NUDT13: variants seen among roughly 807,000 people sequenced by gnomAD.
NUDT13 encodes nudix hydrolase 13.
A neutral mutation model predicts 41.7 loss-of-function variants in NUDT13; 40 were observed. The observed-to-expected ratio is 0.96, with a 90% CI of 0.75 to 1.25. The LOEUF (loss-of-function observed/expected upper bound fraction) is 1.25, where lower values mean the gene tolerates loss of function less well. Among genes scored for constraint, NUDT13 ranks in the 50% most tolerant of loss-of-function variants. The probability of loss-of-function intolerance (pLI) is 0.00; values close to 1 mark genes in which losing one functional copy is unlikely to be tolerated. For synonymous variants in NUDT13, 145 were observed against 155.5 expected, an observed-to-expected ratio of 0.93 and a Z score of 0.50; for missense variants, 390 against 416.1, an observed-to-expected ratio of 0.94 and a Z score of 0.55.
intron 4 of NUDT13, among the ~76,000 whole-genome samples, chr10:73,122,556 T>C (rs1842670461): frequency 6.6e-6 from 1 of 152,092 alleles, no homozygotes. Flanking sequence ...TCTGTACCAT[T>C]ATACATTTTA....
chr10:73,115,338 G>A (rs1315987233), intron 2 of NUDT13, among the ~76,000 whole-genome samples: 4 of 151,868 alleles, frequency 2.6e-5, no homozygotes, highest in Non-Finnish European at 5.9e-5. Flanking sequence ...CACCATGCCT[G>A]GCTAATTTTT....
At chr10:73,124,122 T>A (rs1842715151) in intron 4 of NUDT13, 92 bp from the exon 5 acceptor site, 1 of 856,168 alleles carries the variant, frequency 1.2e-6, no homozygotes, top group African/African-American at 1.7e-5. Flanking sequence ...GAGGCAAGTT[T>A]GGGAAACACT....
intron 4 of NUDT13, 23 bp from the exon 5 acceptor site, chr10:73,124,191 C>A (rs983554264): frequency 2.0e-6 from 3 of 1,515,462 alleles, no homozygotes; most frequent in Admixed American, 1.7e-5. Context: ...TGTTTAATTT[C>A]ATTATCTTTT....
rs761103976 is a variant in NUDT13, at chr10:73,125,105, A to G, written c.466-13A>G. 5 of 1,602,336 alleles carry G rather than the reference A, an allele frequency of 3.1e-6. No individual in the cohort carries two copies. The African/African-American group carries it at 4.1e-5, about 13-fold the overall frequency. ...CTCTCCAAATGACACCAGGCCCATC[A>G]TTGTGTTCCTAGGCTCAAGCTCTTC... On this transcript the variant is annotated splice_polypyrimidine_tract_variant and intron_variant, in intron 5 of 8. Transcript: ENST00000357321.
Position 73,126,796 on chromosome 10 carries a change from G to A in NUDT13, c.827G>A (p.Cys276Tyr). 6.2e-7 allele frequency: 1 copy of A among 1,614,124 alleles called. No homozygotes were observed. ...CCTAGTGGCTCACTCATGATTGCTTGCCATGCAACTGTGAAACCAGGGCAG... is the reference window on the plus strand; with the variant it reads ...CCTAGTGGCTCACTCATGATTGCTTACCATGCAACTGTGAAACCAGGGCAG... Reference protein sequence around the residue: ...PFPSGSLMIACHATVKPGQTE... With the variant: ...PFPSGSLMIAYHATVKPGQTE... Residue 276 changes from cysteine to tyrosine, a missense_variant, in exon 8 of 9, where the codon TGC (cysteine) becomes TAC (tyrosine). Transcript: ENST00000357321.
chr10:73,127,135 C>T (rs1410903253), intron 8 of NUDT13, among the ~76,000 whole-genome samples: 2 of 151,984 alleles, frequency 1.3e-5, no homozygotes, highest in Non-Finnish European at 2.9e-5. Flanking sequence ...AATCCCAGCA[C>T]TTTGGGAGGC....
Position 73,124,203 on chromosome 10 carries a change from T to C in NUDT13, c.359-11T>C, listed in dbSNP as rs1242025330. The C allele has an allele frequency of 6.3e-7, 1 of 1,578,490 alleles. No individual in the cohort carries two copies. The highest frequency in any genetic ancestry group is 8.7e-7 in the Non-Finnish European group (1 of 1,151,024). ...CATTGTTTAATTTCATTATCTTTTC[T>C]AATTTTCTAGCCTCCTTACACAAAC... On this transcript the variant is annotated splice_polypyrimidine_tract_variant and intron_variant, in intron 4 of 8. Coordinates refer to ENST00000357321, the MANE Select transcript of NUDT13 (RefSeq NM_015901.6).
chr10:73,126,545 T>A, intron 7 of NUDT13, 128 bp from the exon 8 acceptor site: 2 of 1,022,588 alleles, frequency 2.0e-6, no homozygotes, highest in Non-Finnish European at 2.8e-6. Context: ...TGACTCAGAG[T>A]TTTAGGACAC....
chr10:73,111,619 T>G (rs1405405375), intron 1 of NUDT13, among the ~76,000 whole-genome samples: 3 of 152,238 alleles, frequency 2.0e-5, no homozygotes, highest in Admixed American at 6.5e-5. Context: ...CTATTACCTT[T>G]CATCTCTATC....
intron 1 of NUDT13, among the ~76,000 whole-genome samples, chr10:73,111,990 C>G (rs562899085): frequency 6.6e-6 from 1 of 152,188 alleles, no homozygotes; most frequent in Non-Finnish European, 1.5e-5. Context: ...CAATATTTGT[C>G]TTCATCCCAC....
chr10:73,112,245 C>T (rs1189609997), intron 1 of NUDT13, among the ~76,000 whole-genome samples: 5 of 151,900 alleles, frequency 3.3e-5, no homozygotes, highest in South Asian at 2.1e-4. Flanking sequence ...CCCAACTACT[C>T]GAGAGGCTGA....
Position 73,124,340 on chromosome 10 carries a change from T to G in NUDT13, c.465+20T>G. 6.5e-7 allele frequency: 1 copy of G among 1,549,618 alleles called. No individual in the cohort carries two copies. Among genetic ancestry groups the G allele is most frequent in the Non-Finnish European group, 8.9e-7 (1 of 1,123,680 alleles). On this transcript the variant is annotated intron_variant, in intron 5 of 8. Coordinates refer to ENST00000357321, the MANE Select transcript of NUDT13 (RefSeq NM_015901.6). ...TCCACGGTAGATTCTGATTTCTCAT[T>G]CTGTAGGAAATTTAGTAGAGCAGTA...
At chr10:73,130,639 G>T in intron 8 of NUDT13, 64 bp from the exon 9 acceptor site, 1 of 1,319,940 alleles carries the variant, frequency 7.6e-7, no homozygotes, top group Non-Finnish European at 1.1e-6. Flanking sequence ...TCTGACCTTT[G>T]GCCATAGTAT....
At chr10:73,121,733 T>C (rs975055387) in intron 3 of NUDT13, among the ~76,000 whole-genome samples, 2 of 152,158 alleles carry the variant, frequency 1.3e-5, no homozygotes, top group African/African-American at 4.8e-5. Flanking sequence ...GCTGATTTTA[T>C]TTTTTGTAGA....
At chr10:73,114,482 T>C in intron 2 of NUDT13, 34 bp downstream of exon 2, 2 of 1,179,416 alleles carry the variant, frequency 1.7e-6, no homozygotes, top group East Asian at 2.4e-5. Context: ...TTGATTATTC[T>C]GTTTGGCCCA....
At position 73,120,068 on chromosome 10, in the gene NUDT13, A is replaced by C. The variant is rs764913388; in HGVS notation, c.134A>C (p.Gln45Pro). The C allele has an allele frequency of 1.9e-6, 3 of 1,614,180 alleles. No homozygotes were observed. Among genetic ancestry groups the C allele is most frequent in the East Asian group, 2.2e-5 (1 of 44,890 alleles). Reference protein sequence around the residue: ...EDDDACKKAQQTGAFYLFHSL... With the variant: ...EDDDACKKAQPTGAFYLFHSL... ...GATGATGCATGTAAAAAAGCCCAGC[A>C]AACAGGAGCGTTTTACCTCTTTCAT... The change falls in exon 3 of 9, where the codon CAA becomes CCA. Residue 45 changes from glutamine to proline, a missense_variant. Transcript: ENST00000357321.
At position 73,124,269 on chromosome 10, in the gene NUDT13, G is replaced by C; in HGVS notation, c.414G>C (p.Leu138=). The change falls in exon 5 of 9, where the codon CTG becomes CTC. Residue 138 remains leucine, a synonymous_variant. Transcript: ENST00000357321. ...ETELKGSFIE[L]RKALFQLNAR... The stretch of plus-strand genomic sequence containing the variant: ...AGCTCAAGGGGTCTTTCATTGAGCT[G>C]AGAAAGGCACTCTTTCAACTCAATG... 2 of 1,613,572 alleles carry C rather than the reference G, an allele frequency of 1.2e-6. No homozygotes were observed. Among genetic ancestry groups the C allele is most frequent in the South Asian group, 2.2e-5 (2 of 91,082 alleles).
At chr10:73,119,429 AT>A (rs1226677161) in intron 2 of NUDT13, 7 of 926,018 alleles carry the variant, frequency 7.6e-6, no homozygotes, top group Non-Finnish European at 9.0e-6. Context: ...TGAAGGTAAA[AT>A]TTGTTCTTTA....
intron 8 of NUDT13, chr10:73,130,487 TAC>T (rs754288651): frequency 0.063 from 17,304 of 275,996 alleles, 842 homozygotes; most frequent in South Asian, 0.18. Flanking sequence ...TATATATATA[TAC>T]ACACACACAC....
Sources: allele counts gnomAD v4.1 joint callset (sites outside exome capture counted in the v4.1 genomes callset), GRCh38; gene constraint gnomAD v4.1.1; transcripts MANE v1.5; gene names NCBI Gene and HGNC (gene_info 2026-07-23, HGNC 2026-07-21).